Variants in MINK1 observed in about 807,000 individuals in gnomAD.
MINK1 encodes the protein misshapen-like kinase 1.
A neutral mutation model predicts 178.4 loss-of-function variants in MINK1; 46 were observed. That is an observed-to-expected ratio of 0.26 (90% CI 0.20 to 0.33). The LOEUF is 0.33. MINK1 is among the 10% of genes least tolerant of loss of function. MINK1 has a pLI of 1.00. For missense variants in MINK1, 1,366 were observed against 1,814.9 expected (o/e 0.75, Z 4.49); for synonymous variants, 797 against 709.7 (o/e 1.12, Z -1.96).
chr17:4,886,408 C>G lies in MINK1; in HGVS notation c.774-43C>G, dbSNP rs1186625262. 2 of 1,577,400 alleles carry G rather than the reference C, an allele frequency of 1.3e-6. No individual in the cohort carries two copies. Among genetic ancestry groups the G allele is most frequent in the African/African-American group, 2.7e-5 (2 of 74,344 alleles). On this transcript the variant is annotated intron_variant, in intron 9 of 31. Transcript: ENST00000355280. The surrounding 1 kb of genome is among the most constrained non-coding windows in gnomAD (Gnocchi z 6.1). ...CACCCTCTTCCTCCTGCACCCATCCCTTCTGAGGGGACCCTCCCAGTGTGA... is the reference window on the plus strand; with the variant it reads ...CACCCTCTTCCTCCTGCACCCATCCGTTCTGAGGGGACCCTCCCAGTGTGA...
rs1242288898 is a variant in MINK1, at chr17:4,896,182, G to T, written c.3466-11G>T. On this transcript the variant is annotated splice_polypyrimidine_tract_variant and intron_variant, in intron 28 of 31. Coordinates refer to ENST00000355280, the MANE Select transcript of MINK1 (RefSeq NM_153827.5). The surrounding 1 kb of genome is among the most constrained non-coding windows in gnomAD (Gnocchi z 4.6). The stretch of plus-strand genomic sequence containing the variant: ...TGCCCCTGAGCCCTCCTCTCCTCCG[G>T]TTCTCTGCAGTCCTTTGCCGACCTC... 2 of 1,599,204 alleles carry T rather than the reference G, an allele frequency of 1.3e-6. No homozygotes were observed. Among genetic ancestry groups the T allele is most frequent in the African/African-American group, 2.7e-5 (2 of 74,712 alleles).
chr17:4,869,409 G>T (rs1339181057), intron 1 of MINK1, among the ~76,000 whole-genome samples: 2 of 151,778 alleles, frequency 1.3e-5, no homozygotes, highest in African/African-American at 4.8e-5. Context: ...TAGTAATTGG[G>T]ACTACAGGTG....
At chr17:4,872,828 G>A (rs377744798) in intron 1 of MINK1, among the ~76,000 whole-genome samples, 1 of 152,116 alleles carries the variant, frequency 6.6e-6, no homozygotes, top group Admixed American at 6.6e-5. Flanking sequence ...TCCCCTCCAT[G>A]ATGATGAACG....
At chr17:4,869,000 T>G (rs1915457350) in intron 1 of MINK1, 1 of 154,194 alleles carries the variant, frequency 6.5e-6, no homozygotes, top group South Asian at 1.7e-4. Context: ...CTCTGCTCAC[T>G]GCAAGCTCTG....
chr17:4,833,653 T>C lies in MINK1; in HGVS notation c.57+13T>C, dbSNP rs1011712514. ...GTCCGCCCTGCGGGTGAGCGCGCCG[T>C]CCCCCAGCCTCGCCCTGGTTCCTGT... On this transcript the variant is annotated intron_variant, in intron 1 of 31. Coordinates refer to ENST00000355280, the MANE Select transcript of MINK1 (RefSeq NM_153827.5). This position sits in a 1 kb window ranked among gnomAD's most constrained non-coding sequence, Gnocchi z 4.8. 2 of 1,484,764 alleles carry C rather than the reference T, an allele frequency of 1.3e-6. No homozygotes were observed. Among genetic ancestry groups the C allele is most frequent in the Non-Finnish European group, 8.9e-7 (1 of 1,123,156 alleles). 92.0% of individuals were successfully genotyped at this position (1,484,764 alleles called of 1,614,324 possible). A position where few individuals can be genotyped will look rare whatever the true frequency, so the allele number is the denominator to read the frequency against.
At chr17:4,877,896 T>C (rs569318424) in intron 1 of MINK1, among the ~76,000 whole-genome samples, 4 of 150,792 alleles carry the variant, frequency 2.7e-5, no homozygotes, top group East Asian at 3.9e-4. Flanking sequence ...CTGCAAGCTC[T>C]GCCTCCCAGG....
intron 1 of MINK1, among the ~76,000 whole-genome samples, chr17:4,873,675 G>C (rs1966914616): frequency 7.1e-6 from 1 of 141,296 alleles, no homozygotes; most frequent in African/African-American, 2.7e-5. Flanking sequence ...CTGGAGTGCA[G>C]TGGCGCAATT....
Position 4,892,406 on chromosome 17 carries a change from C to G in MINK1, c.2092C>G (p.Arg698Gly). Residue 698 changes from arginine (R) to glycine (G), a missense_variant, in exon 18 of 32, where the codon CGC (arginine) becomes GGC (glycine). Arg to Gly is a moderately radical substitution (Grantham distance 125). This residue lies in a region of MINK1 where 709 missense variants were observed against 692.3 expected (regional missense o/e 1.02). Coordinates refer to ENST00000355280, the MANE Select transcript of MINK1 (RefSeq NM_153827.5). ...RPAQAVRARPRSNSAWQIYLQ... is the reference protein window; with the variant it reads ...RPAQAVRARPGSNSAWQIYLQ... ...ACCCCTGTGCTCCCTTCACAGACCT[C>G]GCAGCAACTCCGCCTGGCAAATCTA... is the stretch of plus-strand genomic sequence containing the variant. 1.3e-6 allele frequency: 2 copies of G among 1,554,964 alleles called. No individual in the cohort carries two copies. Among genetic ancestry groups the G allele is most frequent in the South Asian group, 2.4e-5 (2 of 84,362 alleles).
chr17:4,841,528 T>C (rs11651691), intron 1 of MINK1, among the ~76,000 whole-genome samples: 103,792 of 149,596 alleles, frequency 0.69, 38,223 homozygotes, highest in Non-Finnish European at 0.83. Flanking sequence ...AAGCCCCCCC[T>C]CCGATTTTGC....
chr17:4,879,365 T>C (rs1003354271), intron 2 of MINK1, among the ~76,000 whole-genome samples: 2 of 152,238 alleles, frequency 1.3e-5, no homozygotes, highest in African/African-American at 4.8e-5. Flanking sequence ...CTTGATACTG[T>C]CACAAGTCTC....
chr17:4,844,252 C>T (rs968193758), intron 1 of MINK1, among the ~76,000 whole-genome samples: 29 of 152,206 alleles, frequency 1.9e-4, no homozygotes, highest in Admixed American at 5.2e-4. Flanking sequence ...CCACCCACCT[C>T]GGCCTCCCAA....
chr17:4,862,393 G>A (rs548396466), intron 1 of MINK1, among the ~76,000 whole-genome samples: 15 of 152,178 alleles, frequency 9.9e-5, no homozygotes, highest in African/African-American at 3.4e-4. Context: ...GGTGGCTCAC[G>A]CCTGTAATCC....
At chr17:4,863,780 C>CATTATT (rs151245503) in intron 1 of MINK1, among the ~76,000 whole-genome samples, 3,002 of 148,856 alleles carry the variant, frequency 0.02, 31 homozygotes, top group African/African-American at 0.034. Context: ...CTAGCTGTCT[C>CATTATT]ATTATTATTA....
chr17:4,892,213 C>T lies in MINK1; in HGVS notation c.2066C>T (p.Pro689Leu). 1 of 1,592,644 alleles carries T rather than the reference C, an allele frequency of 6.3e-7. No homozygotes were observed. Among genetic ancestry groups the T allele is most frequent in the African/African-American group, 1.3e-5 (1 of 74,550 alleles). ...ACCAGTGGGGCCGGAGGGTCCCGGCCAGCCCAGGCAGTCCGTGCCAGGTAA... is the reference window on the plus strand; with the variant it reads ...ACCAGTGGGGCCGGAGGGTCCCGGCTAGCCCAGGCAGTCCGTGCCAGGTAA... ...LNTSGAGGSR[P>L]AQAVRARPRS... is the part of the protein sequence containing the mutation. Residue 689 changes from proline (P) to leucine (L), a missense_variant, in exon 17 of 32, where the codon CCA becomes CTA. Pro to Leu is a moderately conservative substitution (Grantham distance 98). This residue lies in a region of MINK1 where 709 missense variants were observed against 692.3 expected (regional missense o/e 1.02). Coordinates refer to ENST00000355280, the MANE Select transcript of MINK1 (RefSeq NM_153827.5).
intron 1 of MINK1, chr17:4,857,458 GTT>G (rs147266965): frequency 1.5e-4 from 11 of 75,764 alleles, no homozygotes; most frequent in South Asian, 8.7e-4. Context: ...AAAGATGCTG[GTT>G]TTTTTTTTTT....
chr17:4,865,497 A>AT (rs905175682), intron 1 of MINK1, among the ~76,000 whole-genome samples: 19 of 151,620 alleles, frequency 1.3e-4, no homozygotes, highest in African/African-American at 2.9e-4. Flanking sequence ...AGTTTCAAGG[A>AT]TTTTTTTTTC....
intron 1 of MINK1, among the ~76,000 whole-genome samples, chr17:4,841,552 T>G (rs1036843740): frequency 6.8e-6 from 1 of 147,078 alleles, no homozygotes; most frequent in Non-Finnish European, 1.5e-5. Context: ...CCTTTACTGA[T>G]CACATCATCC....
At chr17:4,880,627 C>T (rs1261927425) in intron 2 of MINK1, among the ~76,000 whole-genome samples, 2 of 146,790 alleles carry the variant, frequency 1.4e-5, no homozygotes, top group Admixed American at 6.7e-5. Context: ...GGGCCGGGCG[C>T]GGTGGCTCAT....
chr17:4,833,876 C>T lies in MINK1; in HGVS notation c.57+236C>T, dbSNP rs1252072093. Among the ~76,000 whole-genome samples, 1 of 152,202 alleles carries T rather than the reference C, an allele frequency of 6.6e-6. No homozygotes were observed. Among genetic ancestry groups the T allele is most frequent in the African/African-American group, 2.4e-5 (1 of 41,452 alleles). ...AGTTCGGTCCCCACCCTGTGGTGCC[C>T]CGCCCCCACACTTCCGTGCCACCCT... On this transcript the variant is annotated intron_variant, in intron 1 of 31. Coordinates refer to ENST00000355280, the MANE Select transcript of MINK1 (RefSeq NM_153827.5). This position sits in a 1 kb window ranked among gnomAD's most constrained non-coding sequence, Gnocchi z 4.8.
Sources: gnomAD v4.1 joint callset for allele counts (sites outside exome capture counted in the v4.1 genomes callset) on GRCh38, gnomAD v4.1.1 for gene constraint, gnomAD v4.1.1 regional missense constraint, Gnocchi (gnomAD v3.1) non-coding constraint, MANE v1.5 for transcripts, NCBI Gene and HGNC (gene_info 2026-07-23, HGNC 2026-07-21) for gene names.